The following PLAAT1 variants were observed in gnomAD, a reference collection of about 807,000 sequenced individuals.
The protein encoded by PLAAT1 is phospholipase A and acyltransferase 1.
Under a neutral mutation model 16.4 loss-of-function variants are expected in PLAAT1, and 13 were observed. The ratio of observed to expected loss-of-function variants is 0.79; its 90% CI spans 0.52 to 1.26. The LOEUF is 1.26. Among genes scored for constraint, PLAAT1 ranks in the 50% most tolerant of loss-of-function variants. The pLI, the probability that PLAAT1 is intolerant of heterozygous loss-of-function variation, is 0.00. For synonymous variants in PLAAT1, 73 were observed against 78.4 expected (o/e 0.93, Z 0.36); for missense variants, 218 against 207.8 (o/e 1.05, Z -0.30).
chr3:193,252,868 A>G (rs1207166154), intron 1 of PLAAT1, among the ~76,000 whole-genome samples: 1 of 152,092 alleles, frequency 6.6e-6, no homozygotes, highest in Non-Finnish European at 1.5e-5. Context: ...TCCTTTGTCT[A>G]AAAATGAGGA....
At chr3:193,255,599 T>G (rs1716344551) in intron 1 of PLAAT1, 52 bp from the exon 2 acceptor site, 3 of 1,544,272 alleles carry the variant, frequency 1.9e-6, no homozygotes, top group African/African-American at 2.8e-5. Flanking sequence ...TTAAACTGAT[T>G]TTCTTTTGGC....
intron 1 of PLAAT1, 97 bp downstream of exon 1, chr3:193,241,630 A>C: frequency 1.2e-6 from 1 of 837,396 alleles, no homozygotes; most frequent in Non-Finnish European, 1.6e-6. Context: ...TGACTAGAGA[A>C]CAACGGAGCT....
chr3:193,280,526 GA>G (rs1717441786), downstream of PLAAT1, among the ~76,000 whole-genome samples: 1 of 152,116 alleles, frequency 6.6e-6, no homozygotes, highest in Non-Finnish European at 1.5e-5. Flanking sequence ...CTGGAACTCT[GA>G]CTTGAAAAAG....
chr3:193,241,050 G>A (rs1291896995), upstream of PLAAT1: 14 of 460,584 alleles, frequency 3.0e-5, no homozygotes, highest in Non-Finnish European at 4.8e-5. Context: ...GACCGTAGGC[G>A]CTGGAGCGCG....
downstream of PLAAT1, among the ~76,000 whole-genome samples, chr3:193,271,646 T>C (rs1352572325): frequency 6.6e-6 from 1 of 152,150 alleles, no homozygotes; most frequent in Non-Finnish European, 1.5e-5. Flanking sequence ...CATTGTAACA[T>C]GACCCCATAA....
chr3:193,270,727 A>T lies in PLAAT1; in HGVS notation c.*22A>T. 6.2e-7 allele frequency: 1 copy of T among 1,606,396 alleles called. No homozygotes were observed. Among genetic ancestry groups the T allele is most frequent in the Non-Finnish European group, 8.5e-7 (1 of 1,175,888 alleles). ...TTAACAATTTACCAAAGAGATATTG[A>T]TATTGAAGGAATTTGGGAGGAGGAA... On this transcript the variant is annotated 3_prime_UTR_variant, in exon 4 of 4. Transcript: ENST00000264735.
In PLAAT1 at chr3:193,241,322, C is replaced by G. The variant is rs1019642392; in HGVS notation, c.-212C>G. 1 of 1,231,258 alleles carries G rather than the reference C, an allele frequency of 8.1e-7. No individual in the cohort carries two copies. The allele number at this position is 1,231,258 out of a possible 1,614,324, so 76.3% of individuals were successfully genotyped here. Reference sequence around the variant, plus strand: ...CAGAGCCGCGGAGGGGCCGCCGGGACCGTTTCAGCGTGGCGGCGCTGGTGC... The same window carrying G: ...CAGAGCCGCGGAGGGGCCGCCGGGAGCGTTTCAGCGTGGCGGCGCTGGTGC... On this transcript the variant is annotated 5_prime_UTR_variant, in exon 1 of 4. Coordinates refer to ENST00000264735, the MANE Select transcript of PLAAT1 (RefSeq NM_020386.5).
chr3:193,273,321 A>C (rs1228560223), downstream of PLAAT1, among the ~76,000 whole-genome samples: 1 of 152,202 alleles, frequency 6.6e-6, no homozygotes, highest in East Asian at 1.9e-4. Flanking sequence ...AGTAGCTGCT[A>C]AATTATACAC....
chr3:193,258,083 A>T (rs1716443726), intron 2 of PLAAT1, among the ~76,000 whole-genome samples: 1 of 152,126 alleles, frequency 6.6e-6, no homozygotes, highest in Non-Finnish European at 1.5e-5. Context: ...TGATCGTGTG[A>T]GTCAATACTC....
intron 2 of PLAAT1, among the ~76,000 whole-genome samples, chr3:193,261,639 G>T (rs1383046681): frequency 1.3e-5 from 2 of 152,040 alleles, no homozygotes; most frequent in African/African-American, 4.8e-5. Context: ...CATTATCTCT[G>T]CAGTTTTCAT....
intron 1 of PLAAT1, among the ~76,000 whole-genome samples, chr3:193,250,515 T>G (rs1172565365): frequency 6.6e-6 from 1 of 152,160 alleles, no homozygotes; most frequent in Non-Finnish European, 1.5e-5. Flanking sequence ...CTTTGTTGTC[T>G]ACGAGACTCA....
intron 3 of PLAAT1, among the ~76,000 whole-genome samples, chr3:193,266,189 A>T (rs562411389): frequency 6.6e-6 from 1 of 152,230 alleles, no homozygotes; most frequent in South Asian, 2.1e-4. Flanking sequence ...ATTGATTGTG[A>T]TGATGGTTTC....
rs931590411 is a variant in PLAAT1 at position 193,241,303 on chromosome 3, C to G, written c.-231C>G. On this transcript the variant is annotated 5_prime_UTR_variant, in exon 1 of 4. Transcript: ENST00000264735. ...CCCCGGCGTGCGGGCGTCTCAGAGC[C>G]GCGGAGGGGCCGCCGGGACCGTTTC... 1.8e-5 allele frequency: 22 copies of G among 1,230,862 alleles called. No individual in the cohort carries two copies. The African/African-American group carries it at 2.3e-4, about 13-fold the overall frequency. The allele number at this position is 1,230,862 out of a possible 1,614,324, so 76.2% of individuals were successfully genotyped here.
At position 193,241,314 on chromosome 3, in the gene PLAAT1, C is replaced by G. The variant is rs1004675154; in HGVS notation, c.-220C>G. 5.4e-5 allele frequency: 66 copies of G among 1,231,032 alleles called. No individual in the cohort carries two copies. The highest frequency in any genetic ancestry group is 3.1e-4 in the Middle Eastern group (1 of 3,228). The allele number at this position is 1,231,032 out of a possible 1,614,324, so 76.3% of individuals were successfully genotyped here. On this transcript the variant is annotated 5_prime_UTR_variant, in exon 1 of 4. Transcript: ENST00000264735. Reference sequence around the variant, plus strand: ...GGGCGTCTCAGAGCCGCGGAGGGGCCGCCGGGACCGTTTCAGCGTGGCGGC... The same window carrying G: ...GGGCGTCTCAGAGCCGCGGAGGGGCGGCCGGGACCGTTTCAGCGTGGCGGC...
At position 193,263,101 on chromosome 3, in the gene PLAAT1, C is replaced by A; in HGVS notation, c.271C>A (p.Pro91Thr). ...AAACAATAAATACGATGAAACGTAC[C>A]CCCCTCTCCCTGTGGAAGAAATCAT... ...RINNKYDETYPPLPVEEIIKR... is the reference protein window; with the variant it reads ...RINNKYDETYTPLPVEEIIKR... Residue 91 changes from proline to threonine, a missense_variant, in exon 3 of 4, where the codon CCC becomes ACC. Pro to Thr is a conservative substitution (Grantham distance 38, BLOSUM62 -1). Coordinates refer to ENST00000264735, the MANE Select transcript of PLAAT1 (RefSeq NM_020386.5). 2 of 1,614,044 alleles carry A rather than the reference C, an allele frequency of 1.2e-6. No homozygotes were observed. Among genetic ancestry groups the A allele is most frequent in the Non-Finnish European group, 1.7e-6 (2 of 1,180,008 alleles).
At chr3:193,272,953 G>C (rs1717033593), downstream of PLAAT1, among the ~76,000 whole-genome samples, 1 of 152,072 alleles carries the variant, frequency 6.6e-6, no homozygotes, top group South Asian at 2.1e-4. Context: ...ATTTTCCCAA[G>C]ACTATTAAAC....
chr3:193,278,020 T>G (rs1577318839), downstream of PLAAT1, among the ~76,000 whole-genome samples: 1 of 152,144 alleles, frequency 6.6e-6, no homozygotes, highest in African/African-American at 2.4e-5. Context: ...GCCAGGCTGG[T>G]CTTGAACTCC....
intron 3 of PLAAT1, among the ~76,000 whole-genome samples, chr3:193,268,200 A>G (rs1296386013): frequency 6.6e-6 from 1 of 152,214 alleles, no homozygotes; most frequent in Non-Finnish European, 1.5e-5. Flanking sequence ...TTATGAAAAT[A>G]TCTCTATCTT....
chr3:193,249,239 T>A (rs890104225), intron 1 of PLAAT1, among the ~76,000 whole-genome samples: 1 of 152,178 alleles, frequency 6.6e-6, no homozygotes, highest in African/African-American at 2.4e-5. Flanking sequence ...ATCTTCTCTT[T>A]GTCTTTAACT....
Sources: gnomAD v4.1 joint callset for allele counts (sites outside exome capture counted in the v4.1 genomes callset) on GRCh38, gnomAD v4.1.1 for gene constraint, MANE v1.5 for transcripts, NCBI Gene and HGNC (gene_info 2026-07-23, HGNC 2026-07-21) for gene names.